PTH2R: variants seen among roughly 807,000 people sequenced by gnomAD.
The protein encoded by PTH2R is PTH2 receptor.
In PTH2R, 59 loss-of-function variants were observed where a neutral mutation model predicts 60.3. The observed-to-expected ratio is 0.98, with a 90% CI of 0.79 to 1.22. PTH2R has a LOEUF of 1.22. Ranked by LOEUF, PTH2R falls within the 50% of genes most tolerant of loss-of-function variation. The pLI is 0.00. For missense variants in PTH2R, 749 were observed against 682.6 expected, an observed-to-expected ratio of 1.10 and a Z score of -1.08; for synonymous variants, 256 against 243.8, an observed-to-expected ratio of 1.05 and a Z score of -0.47.
chr2:208,475,562 A>G (rs1702983163), intron 9 of PTH2R, among the ~76,000 whole-genome samples: 1 of 152,212 alleles, frequency 6.6e-6, no homozygotes, highest in Non-Finnish European at 1.5e-5. Context: ...GAATCAAAGA[A>G]TGTTCAAGTT....
intron 9 of PTH2R, among the ~76,000 whole-genome samples, chr2:208,477,456 C>T (rs144455226): frequency 6.6e-6 from 1 of 152,048 alleles, no homozygotes; most frequent in African/African-American, 2.4e-5. Context: ...CTGAACAAAT[C>T]TTTACTTTTA....
chr2:208,414,748 T>C (rs1288953139), intron 1 of PTH2R, among the ~76,000 whole-genome samples: 1 of 152,184 alleles, frequency 6.6e-6, no homozygotes, highest in Non-Finnish European at 1.5e-5. Context: ...TTTTCACATT[T>C]TTAAGTCATT....
chr2:208,441,325 T>G (rs767585220), intron 4 of PTH2R, among the ~76,000 whole-genome samples: 1 of 152,052 alleles, frequency 6.6e-6, no homozygotes, highest in South Asian at 2.1e-4. Context: ...TCCGGTGGAG[T>G]TGGGGTGCAC....
At chr2:208,441,338 C>T (rs1350526028) in intron 4 of PTH2R, among the ~76,000 whole-genome samples, 2 of 152,134 alleles carry the variant, frequency 1.3e-5, no homozygotes, top group African/African-American at 4.8e-5. Context: ...GGGTGCACCA[C>T]CCTTCTGGTA....
At chr2:208,437,951 GCCAGC>G in intron 4 of PTH2R, 70 bp downstream of exon 4, 1 of 1,556,006 alleles carries the variant, frequency 6.4e-7, no homozygotes, top group Non-Finnish European at 8.8e-7. Flanking sequence ...ATTCTCAATT[GCCAGC>G]CATTATGTAT....
intron 1 of PTH2R, among the ~76,000 whole-genome samples, chr2:208,373,199 T>C (rs1700734717): frequency 6.6e-6 from 1 of 152,156 alleles, no homozygotes; most frequent in South Asian, 2.1e-4. Flanking sequence ...TGAAGTGTCT[T>C]GAAACAGATA....
intron 2 of PTH2R, among the ~76,000 whole-genome samples, chr2:208,431,077 A>T (rs1042658216): frequency 7.9e-5 from 12 of 152,054 alleles, no homozygotes; most frequent in Admixed American, 2.6e-4. Context: ...GGACCTACTC[A>T]TACTACTCTT....
chr2:208,490,594 G>A lies in PTH2R; in HGVS notation c.1216-45G>A, dbSNP rs373144274. The A allele has an allele frequency of 1.4e-5, 23 of 1,586,548 alleles. No individual in the cohort carries two copies. In the African/African-American group the frequency reaches 2.6e-4, roughly 18 times the overall value. ...TTGGCACAAGATGCTTAAGTGCTGTGAGTTTCTGAGTTGGCAGTGGGCTGA... is the reference window on the plus strand; with the variant it reads ...TTGGCACAAGATGCTTAAGTGCTGTAAGTTTCTGAGTTGGCAGTGGGCTGA... On this transcript the variant is annotated intron_variant, in intron 11 of 12. Coordinates refer to ENST00000272847, the MANE Select transcript of PTH2R (RefSeq NM_005048.4).
intron 1 of PTH2R, among the ~76,000 whole-genome samples, chr2:208,364,963 C>T (rs528115103): frequency 1.7e-4 from 26 of 151,368 alleles, no homozygotes; most frequent in Admixed American, 1.7e-3. Context: ...GATGCTTTCA[C>T]TATTTGTGTA....
intron 1 of PTH2R, among the ~76,000 whole-genome samples, chr2:208,364,219 T>C (rs1700535728): frequency 6.6e-6 from 1 of 152,326 alleles, no homozygotes; most frequent in African/African-American, 2.4e-5. Context: ...AGTTTTTATG[T>C]TTGATGCAGT....
chr2:208,394,103 G>A (rs1159688493), intron 1 of PTH2R, among the ~76,000 whole-genome samples: 1 of 152,214 alleles, frequency 6.6e-6, no homozygotes, highest in Non-Finnish European at 1.5e-5. Flanking sequence ...AAGAAAGCCT[G>A]TACATAGGCA....
chr2:208,480,128 G>C (rs549176761), intron 9 of PTH2R, among the ~76,000 whole-genome samples: 4 of 152,222 alleles, frequency 2.6e-5, no homozygotes, highest in Admixed American at 2.6e-4. Flanking sequence ...GCTGAATTTG[G>C]GACTGAGGTG....
At chr2:208,447,360 G>A (rs772648145) in intron 7 of PTH2R, among the ~76,000 whole-genome samples, 51 of 152,056 alleles carry the variant, frequency 3.4e-4, no homozygotes, top group Non-Finnish European at 4.1e-4. Flanking sequence ...AGGCCGAGGC[G>A]GGCGGATCAT....
At chr2:208,382,665 G>A (rs535474025) in intron 1 of PTH2R, among the ~76,000 whole-genome samples, 3 of 152,172 alleles carry the variant, frequency 2.0e-5, no homozygotes, top group Non-Finnish European at 4.4e-5. Context: ...TCTGTTTTTG[G>A]ACCCTTTTCT....
intron 9 of PTH2R, among the ~76,000 whole-genome samples, chr2:208,474,676 C>T (rs964039896): frequency 6.6e-6 from 1 of 152,160 alleles, no homozygotes; most frequent in Admixed American, 6.5e-5. Flanking sequence ...CATGCTAAAG[C>T]ACATTGGAAT....
At chr2:208,420,744 A>G (rs79238548) in intron 1 of PTH2R, among the ~76,000 whole-genome samples, 5,051 of 152,336 alleles carry the variant, frequency 0.033, 260 homozygotes, top group African/African-American at 0.11. Context: ...CAATATTACA[A>G]TCAGGAAATT....
intron 1 of PTH2R, among the ~76,000 whole-genome samples, chr2:208,364,172 G>A (rs1159575956): frequency 6.6e-6 from 1 of 152,070 alleles, no homozygotes; most frequent in Non-Finnish European, 1.5e-5. Context: ...TCATTCTGTA[G>A]GTTGCCTTTT....
intron 9 of PTH2R, among the ~76,000 whole-genome samples, chr2:208,468,664 T>G (rs1244410426): frequency 1.3e-5 from 2 of 152,232 alleles, no homozygotes; most frequent in Non-Finnish European, 2.9e-5. Context: ...TTTGAAATAC[T>G]ACTTTTTCTT....
chr2:208,405,208 CATTAA>C (rs1401122265), upstream of PTH2R, among the ~76,000 whole-genome samples: 1 of 151,664 alleles, frequency 6.6e-6, no homozygotes, highest in East Asian at 1.9e-4. Flanking sequence ...TACTTTAAAA[CATTAA>C]ATTATTTATT....
Sources: gnomAD v4.1 joint callset for allele counts (sites outside exome capture counted in the v4.1 genomes callset) on GRCh38, gnomAD v4.1.1 for gene constraint, MANE v1.5 for transcripts, NCBI Gene and HGNC (gene_info 2026-07-23, HGNC 2026-07-21) for gene names.